Variants in APBB2 observed in about 807,000 individuals in gnomAD.
The protein encoded by APBB2 is Fe65-like 1.
Under a neutral mutation model 82.5 loss-of-function variants are expected in APBB2, and 38 were observed. The ratio of observed to expected loss-of-function variants is 0.46; its 90% CI spans 0.36 to 0.60. The LOEUF is 0.60. APBB2 is among the 20% of genes least tolerant of loss of function. The pLI is 0.00. For missense variants in APBB2, 772 were observed against 972.3 expected (o/e 0.79, Z 2.74); for synonymous variants, 341 against 368.2 (o/e 0.93, Z 0.85).
chr4:40,928,428 A>ACACACACACACACAC (rs201061451), intron 10 of APBB2, among the ~76,000 whole-genome samples: 12 of 54,080 alleles, frequency 2.2e-4, no homozygotes, highest in Non-Finnish European at 2.6e-4. Context: ...ACACACACAC[A>ACACACACACACACAC]ATCAGCCAGG....
chr4:40,824,250 C>T (rs1157253972), intron 15 of APBB2, among the ~76,000 whole-genome samples: 1 of 152,212 alleles, frequency 6.6e-6, no homozygotes, highest in Non-Finnish European at 1.5e-5. Flanking sequence ...GCCTTAGACG[C>T]TGTCTACCTA....
intron 12 of APBB2, among the ~76,000 whole-genome samples, chr4:40,873,621 G>A (rs1766117456): frequency 1.3e-5 from 2 of 152,198 alleles, no homozygotes; most frequent in Admixed American, 1.3e-4. Context: ...GCTACTCTTC[G>A]CAATGAGATC....
chr4:41,078,802 G>A (rs771659174), intron 3 of APBB2, among the ~76,000 whole-genome samples: 2 of 152,170 alleles, frequency 1.3e-5, no homozygotes, highest in Non-Finnish European at 2.9e-5. Flanking sequence ...TCGGGAGAAG[G>A]ACTGGGAAAT....
chr4:40,889,651 T>C (rs1039758280), intron 12 of APBB2, among the ~76,000 whole-genome samples: 3 of 152,378 alleles, frequency 2.0e-5, no homozygotes, highest in African/African-American at 4.8e-5. Context: ...CAATGGTCTC[T>C]GAACATAAAG....
intron 1 of APBB2, among the ~76,000 whole-genome samples, chr4:41,160,916 T>C (rs1377396777): frequency 2.6e-5 from 4 of 152,126 alleles, no homozygotes; most frequent in Non-Finnish European, 5.9e-5. Flanking sequence ...GCTCACTTAA[T>C]CCTTATGACG....
chr4:40,877,814 G>T (rs1186036414), intron 12 of APBB2, among the ~76,000 whole-genome samples: 1 of 152,158 alleles, frequency 6.6e-6, no homozygotes, highest in Non-Finnish European at 1.5e-5. Context: ...AGGGAGGTAG[G>T]AGCCACGTGT....
chr4:41,137,038 T>C (rs1481334786), intron 2 of APBB2, among the ~76,000 whole-genome samples: 1 of 152,186 alleles, frequency 6.6e-6, no homozygotes, highest in Non-Finnish European at 1.5e-5. Context: ...ATCATACTAA[T>C]ACAAAGATAA....
At chr4:40,936,236 G>A (rs1032485561) in intron 7 of APBB2, among the ~76,000 whole-genome samples, 5 of 152,230 alleles carry the variant, frequency 3.3e-5, no homozygotes, top group Admixed American at 6.5e-5. Context: ...CTTGTGCGTC[G>A]AAAGATGCAT....
At chr4:40,927,739 C>T (rs921106420) in intron 10 of APBB2, among the ~76,000 whole-genome samples, 7 of 152,168 alleles carry the variant, frequency 4.6e-5, no homozygotes, top group African/African-American at 1.7e-4. Flanking sequence ...GCCTGAGCCT[C>T]CCTAGGTGCT....
At chr4:41,060,557 T>G (rs1350993188) in intron 4 of APBB2, among the ~76,000 whole-genome samples, 5 of 152,158 alleles carry the variant, frequency 3.3e-5, no homozygotes, top group African/African-American at 9.7e-5. Flanking sequence ...GATATAATAG[T>G]GTCCTCACTC....
intron 6 of APBB2, among the ~76,000 whole-genome samples, chr4:40,994,993 A>C (rs1007974834): frequency 6.6e-6 from 1 of 152,066 alleles, no homozygotes; most frequent in Non-Finnish European, 1.5e-5. Context: ...TTTTCTCTGA[A>C]GAGGGACTCT....
intron 12 of APBB2, among the ~76,000 whole-genome samples, chr4:40,865,311 G>C (rs1763789606): frequency 6.6e-6 from 1 of 152,170 alleles, no homozygotes; most frequent in Admixed American, 6.6e-5. Context: ...CAAGTTCCAT[G>C]ATTGTAATTT....
intron 12 of APBB2, among the ~76,000 whole-genome samples, chr4:40,872,169 T>C (rs929489900): frequency 6.6e-6 from 1 of 152,242 alleles, no homozygotes; most frequent in Non-Finnish European, 1.5e-5. Context: ...TTGTTGCCAA[T>C]ATTGTAGTCT....
chr4:41,112,121 T>C (rs1267420286), intron 2 of APBB2, among the ~76,000 whole-genome samples: 3 of 152,024 alleles, frequency 2.0e-5, no homozygotes, highest in African/African-American at 7.2e-5. Context: ...CACCTGCAGG[T>C]GAGGTGGAAA....
chr4:40,885,668 T>C (rs538103663), intron 12 of APBB2, among the ~76,000 whole-genome samples: 6 of 152,240 alleles, frequency 3.9e-5, no homozygotes, highest in Admixed American at 6.5e-5. Context: ...TCTCCACTTA[T>C]AATATTCATT....
At chr4:40,932,492 G>C (rs182000947) in intron 10 of APBB2, among the ~76,000 whole-genome samples, 4 of 152,190 alleles carry the variant, frequency 2.6e-5, no homozygotes, top group Admixed American at 2.6e-4. Context: ...TCTGGCAAAG[G>C]AGTCAAGGTT....
Position 40,823,740 on chromosome 4 carries a change from A to G in APBB2, c.1836T>C (p.Ser612=). Residue 612 remains serine, a synonymous_variant, in exon 16 of 18, where the codon AGT becomes AGC. Transcript: ENST00000508593. ...DKPVGMDILN[S]AIENLMTSSN... is the part of the protein sequence containing the mutation. ...ATGAGGTCATAAGATTTTCTATGGCACTGTTCAAAATATCCATTCCTGGGG... is the reference window on the plus strand; with the variant it reads ...ATGAGGTCATAAGATTTTCTATGGCGCTGTTCAAAATATCCATTCCTGGGG... 1 of 1,613,030 alleles carries G rather than the reference A, an allele frequency of 6.2e-7. No homozygotes were observed. Among genetic ancestry groups the G allele is most frequent in the South Asian group, 1.1e-5 (1 of 91,080 alleles).
At chr4:40,834,438 T>C (rs375572291) in intron 12 of APBB2, among the ~76,000 whole-genome samples, 14 of 152,256 alleles carry the variant, frequency 9.2e-5, no homozygotes, top group South Asian at 6.2e-4. Context: ...ATACAAGCGA[T>C]CGAATTTCAT....
At chr4:41,146,323 CAAAA>C (rs35546477) in intron 1 of APBB2, among the ~76,000 whole-genome samples, 20 of 58,338 alleles carry the variant, frequency 3.4e-4, no homozygotes, top group African/African-American at 1.1e-3. Flanking sequence ...AAGACTGTCT[CAAAA>C]AAAAAAAAAA....
Sources: allele counts gnomAD v4.1 joint callset (sites outside exome capture counted in the v4.1 genomes callset), GRCh38; gene constraint gnomAD v4.1.1; transcripts MANE v1.5; gene names NCBI Gene and HGNC (gene_info 2026-07-23, HGNC 2026-07-21).